DNAH8: variants seen among roughly 807,000 people sequenced by gnomAD.
DNAH8 encodes the protein dynein axonemal heavy chain 8.
In DNAH8, 382 loss-of-function variants were observed where a neutral mutation model predicts 562.1. The observed-to-expected ratio is 0.68, with a 90% confidence interval of 0.63 to 0.74. The LOEUF is 0.74. DNAH8 is among the 30% of genes least tolerant of loss of function. DNAH8 has a pLI of 0.00. For missense variants in DNAH8, 5,203 were observed against 5,620.4 expected, an observed-to-expected ratio of 0.93 and a Z score of 2.37; for synonymous variants, 1,881 against 1,919.4, an observed-to-expected ratio of 0.98 and a Z score of 0.52.
intron 87 of DNAH8, among the ~76,000 whole-genome samples, chr6:38,986,340 A>T (rs1355174464): frequency 6.6e-6 from 1 of 152,088 alleles, no homozygotes; most frequent in African/African-American, 2.4e-5. Context: ...GCAGAGCTTT[A>T]AAAAAAAGTA....
chr6:38,796,189 T>C (rs1026805754), intron 21 of DNAH8, among the ~76,000 whole-genome samples: 5 of 152,184 alleles, frequency 3.3e-5, no homozygotes, highest in African/African-American at 9.6e-5. Context: ...CAGCACTTAG[T>C]CACAGCCCTG....
intron 82 of DNAH8, among the ~76,000 whole-genome samples, chr6:38,968,229 G>T (rs1232214372): frequency 6.6e-6 from 1 of 152,114 alleles, no homozygotes; most frequent in East Asian, 1.9e-4. Context: ...TGAGGCCGTG[G>T]ATTAGGCAAT....
chr6:38,986,212 C>A (rs183032601), intron 87 of DNAH8, among the ~76,000 whole-genome samples: 1 of 152,246 alleles, frequency 6.6e-6, no homozygotes. Context: ...ACTTAGGAAT[C>A]CATCATGGGG....
At chr6:38,891,340 A>G (rs777481499) in intron 58 of DNAH8, among the ~76,000 whole-genome samples, 1 of 152,252 alleles carries the variant, frequency 6.6e-6, no homozygotes, top group Non-Finnish European at 1.5e-5. Context: ...AAAGGCAATT[A>G]AGTGTAGGTA....
chr6:38,946,968 G>T (rs1761481543), intron 80 of DNAH8, among the ~76,000 whole-genome samples: 1 of 152,140 alleles, frequency 6.6e-6, no homozygotes, highest in Non-Finnish European at 1.5e-5. Flanking sequence ...CTGCCAACTA[G>T]GTTTTAACTA....
chr6:38,807,058 AC>A (rs1392622405), intron 23 of DNAH8, among the ~76,000 whole-genome samples: 1 of 152,086 alleles, frequency 6.6e-6, no homozygotes, highest in African/African-American at 2.4e-5. Context: ...CAGGCTCAAA[AC>A]CTGTCCTGTG....
At chr6:38,919,604 T>C (rs1300841660) in intron 70 of DNAH8, among the ~76,000 whole-genome samples, 1 of 152,136 alleles carries the variant, frequency 6.6e-6, no homozygotes, top group Non-Finnish European at 1.5e-5. Context: ...ATTTCTAGAG[T>C]ACAAGAAACA....
chr6:38,929,888 C>A (rs1048912063), intron 75 of DNAH8, among the ~76,000 whole-genome samples: 2 of 151,682 alleles, frequency 1.3e-5, no homozygotes, highest in African/African-American at 2.4e-5. Flanking sequence ...TTTTTTATAG[C>A]GTATAAAAGT....
chr6:38,914,321 T>C (rs1306431333), intron 67 of DNAH8, among the ~76,000 whole-genome samples: 1 of 151,730 alleles, frequency 6.6e-6, no homozygotes, highest in East Asian at 1.9e-4. Flanking sequence ...GTTTTTTTTT[T>C]TAAAAGAAAG....
At chr6:38,721,128 A>T (rs888785660) in intron 1 of DNAH8, among the ~76,000 whole-genome samples, 1 of 152,174 alleles carries the variant, frequency 6.6e-6, no homozygotes, top group Non-Finnish European at 1.5e-5. Context: ...TCTGAGCAAC[A>T]GAGTGAAACC....
In DNAH8 at chr6:38,715,917, AATAAATAAAT is replaced by A. The variant is rs1400316453; in HGVS notation, c.-35+506_-35+515del. ...GAAAAGCTATTAAAATAAATAAATA[AATAAATAAAT>A]ATATATATATATATATATATATATA... On this transcript the variant is annotated intron_variant, in intron 1 of 92. Transcript: ENST00000327475. Among the ~76,000 whole-genome samples, 49 of 50,436 alleles carry A rather than the reference AATAAATAAAT, an allele frequency of 9.7e-4. 3 individuals carry two copies. Among genetic ancestry groups the A allele is most frequent in the East Asian group, 7.4e-3 (14 of 1,898 alleles). 33.1% of individuals were successfully genotyped at this position (50,436 alleles called of 152,430 possible). A position where few individuals can be genotyped will look rare whatever the true frequency, so the allele number is the denominator to read the frequency against.
chr6:38,898,080 G>A (rs546827673), intron 60 of DNAH8, among the ~76,000 whole-genome samples, 178 bp from the exon 61 acceptor site: 2 of 152,222 alleles, frequency 1.3e-5, no homozygotes, highest in South Asian at 4.2e-4. Flanking sequence ...TAAGTTTCAG[G>A]CCTTAGAAAA....
chr6:38,915,369 G>T lies in DNAH8; in HGVS notation c.10132G>T (p.Ala3378Ser), dbSNP rs777626502. 5.7e-6 allele frequency: 9 copies of T among 1,589,282 alleles called. No homozygotes were observed. The African/African-American group carries it at 9.6e-5, about 17-fold the overall frequency. Residue 3378 changes from alanine to serine, a missense_variant, in exon 68 of 93, where the codon GCC becomes TCC. Physicochemically the swap from Ala to Ser is moderately conservative, Grantham distance 99. Coordinates refer to ENST00000327475, the MANE Select transcript of DNAH8 (RefSeq NM_001206927.2). ...ACCTGCACTGGAAGAAGCAGAAGCA[G>T]CCCTGAATGTGAGCAGTGCATTGTT... ...AKPALEEAEA[A>S]LNTIKPNDIA... is the part of the protein sequence containing the mutation.
chr6:38,780,174 T>C (rs1181603588), intron 15 of DNAH8, 109 bp downstream of exon 15: 2 of 1,068,780 alleles, frequency 1.9e-6, no homozygotes, highest in Non-Finnish European at 2.7e-6. Flanking sequence ...TGATTCTTTC[T>C]CTGCTAAGGA....
intron 53 of DNAH8, among the ~76,000 whole-genome samples, chr6:38,877,455 A>C (rs938788452): frequency 6.6e-6 from 1 of 152,220 alleles, no homozygotes; most frequent in Non-Finnish European, 1.5e-5. Flanking sequence ...ATCTAGACTC[A>C]TATTCCTTCT....
chr6:38,939,680 C>CAA lies in DNAH8; in HGVS notation c.12007+696_12007+697dup, dbSNP rs559725321. Among the ~76,000 whole-genome samples the CAA allele has an allele frequency of 9.7e-4, 148 of 152,238 alleles. 1 individual carries two copies. Among genetic ancestry groups the CAA allele is most frequent in the African/African-American group, 3.4e-3 (141 of 41,552 alleles). On this transcript the variant is annotated intron_variant, in intron 79 of 92. Coordinates refer to ENST00000327475, the MANE Select transcript of DNAH8 (RefSeq NM_001206927.2). ...AAAGATTACATGTGGTTGGTGAAATCAAAAAGTTTCTTAGAAAATATACCT... is the reference window on the plus strand; with the variant it reads ...AAAGATTACATGTGGTTGGTGAAATCAAAAAAAGTTTCTTAGAAAATATACCT...
chr6:38,874,068 T>TTTTCTTTCTTTC lies in DNAH8; in HGVS notation c.7620+710_7620+721dup, dbSNP rs1554124175. Among the ~76,000 whole-genome samples the TTTTCTTTCTTTC allele has an allele frequency of 9.7e-3, 551 of 57,068 alleles. 79 individuals carry two copies. Among genetic ancestry groups the TTTTCTTTCTTTC allele is most frequent in the African/African-American group, 0.025 (397 of 15,632 alleles). 37.4% of individuals were successfully genotyped at this position (57,068 alleles called of 152,430 possible). ...TTTCTTTCTTTCTTTCTTTCTTTCTTTTTCTTTCTTTCTTTCTTTCTTTCT... is the reference window on the plus strand; with the variant it reads ...TTTCTTTCTTTCTTTCTTTCTTTCTTTTTCTTTCTTTCTTTCTTTCTTTCTTTCTTTCTTTCT... On this transcript the variant is annotated intron_variant, in intron 52 of 92. Coordinates refer to ENST00000327475, the MANE Select transcript of DNAH8 (RefSeq NM_001206927.2).
At position 38,770,425 on chromosome 6, in the gene DNAH8, C is replaced by A; in HGVS notation, c.1630C>A (p.Leu544Ile). 1 of 1,580,242 alleles carries A rather than the reference C, an allele frequency of 6.3e-7. No homozygotes were observed. Among genetic ancestry groups the A allele is most frequent in the Non-Finnish European group, 8.6e-7 (1 of 1,163,182 alleles). Reference sequence around the variant, plus strand: ...ACTTTTCTCATAGGACTGCATTTTTCTATTCAAGGAATATCAGGCATCTTT... The same window carrying A: ...ACTTTTCTCATAGGACTGCATTTTTATATTCAAGGAATATCAGGCATCTTT... ...VLKKIQDCIF[L>I]FKEYQASFHK... The change falls in exon 12 of 93, where the codon CTA becomes ATA. Residue 544 changes from leucine to isoleucine, a missense_variant. Physicochemically the swap from Leu to Ile is conservative, Grantham distance 5. Coordinates refer to ENST00000327475, the MANE Select transcript of DNAH8 (RefSeq NM_001206927.2).
intron 91 of DNAH8, among the ~76,000 whole-genome samples, chr6:39,015,419 A>C (rs1766499110): frequency 6.6e-6 from 1 of 152,180 alleles, no homozygotes; most frequent in Non-Finnish European, 1.5e-5. Context: ...CCCCACCCAA[A>C]ACTCATCTCA....
Sources: gnomAD v4.1 joint callset for allele counts (sites outside exome capture counted in the v4.1 genomes callset) on GRCh38, gnomAD v4.1.1 for gene constraint, MANE v1.5 for transcripts, NCBI Gene and HGNC (gene_info 2026-07-23, HGNC 2026-07-21) for gene names.